MOXD1: variants seen among roughly 807,000 people sequenced by gnomAD.
The protein encoded by MOXD1 is DBH-like monooxygenase protein 1.
Under a neutral mutation model 66.6 loss-of-function variants are expected in MOXD1, and 62 were observed. The observed-to-expected ratio is 0.93, with a 90% confidence interval of 0.76 to 1.15. MOXD1 has a LOEUF of 1.15. Among genes scored for constraint, MOXD1 ranks in the 50% most tolerant of loss-of-function variants. The pLI is 0.00. For synonymous variants in MOXD1, 303 were observed against 281.9 expected (o/e 1.07, Z -0.75); for missense variants, 847 against 754.6 (o/e 1.12, Z -1.44).
intron 10 of MOXD1, 72 bp downstream of exon 10, chr6:132,315,563 A>T: frequency 6.8e-7 from 1 of 1,473,076 alleles, no homozygotes; most frequent in South Asian, 1.3e-5. Flanking sequence ...GTGGTAATGG[A>T]TCCAGTATGA....
At chr6:132,366,028 A>G (rs780419460) in intron 4 of MOXD1, among the ~76,000 whole-genome samples, 1 of 152,214 alleles carries the variant, frequency 6.6e-6, no homozygotes, top group Non-Finnish European at 1.5e-5. Flanking sequence ...TGATTTTTAT[A>G]GCATAACTTT....
In MOXD1 at chr6:132,315,666, T is replaced by A. The variant is rs762337716; in HGVS notation, c.1477A>T (p.Ile493Phe). 2 of 1,613,464 alleles carry A rather than the reference T, an allele frequency of 1.2e-6. No individual in the cohort carries two copies. The highest frequency in any genetic ancestry group is 2.2e-5 in the South Asian group (2 of 91,012). ...GGTCTGTAGATCTCCTTAACCCCAA[T>A]GAACTGAAGTTGTTCCATAATGTCT... ...IPDIMEQLQF[I>F]GVKEIYRPVT... Residue 493 changes from isoleucine (I) to phenylalanine (F), a missense_variant, in exon 10 of 12, where the codon ATT (isoleucine) becomes TTT (phenylalanine). Transcript: ENST00000367963.
chr6:132,297,876 T>C lies in MOXD1; in HGVS notation c.1588A>G (p.Thr530Ala). ...TTGAAGGAGAGACCTTCCTTTTTAG[T>C]CCATTTAAACTTATTCATAGCATCC... ...FMDAMNKFKW[T>A]KKEGLSFNKL... is the part of the protein sequence containing the mutation. The change falls in exon 11 of 12, where the codon ACT becomes GCT. Residue 530 changes from threonine (T) to alanine (A), a missense_variant. Thr to Ala is a moderately conservative substitution (Grantham distance 58). Transcript: ENST00000367963. 6.2e-7 allele frequency: 1 copy of C among 1,613,490 alleles called. No individual in the cohort carries two copies. Among genetic ancestry groups the C allele is most frequent in the African/African-American group, 1.3e-5 (1 of 75,006 alleles).
chr6:132,401,029 C>A (rs934903847), intron 1 of MOXD1, 134 bp downstream of exon 1: 1 of 1,171,650 alleles, frequency 8.5e-7, no homozygotes, highest in Non-Finnish European at 1.1e-6. Flanking sequence ...CGAGAGTGAG[C>A]GTGGCCGGGG....
At chr6:132,360,707 C>T (rs1776001808) in intron 4 of MOXD1, among the ~76,000 whole-genome samples, 2 of 152,308 alleles carry the variant, frequency 1.3e-5, no homozygotes, top group Non-Finnish European at 2.9e-5. Flanking sequence ...TCCTCCCATC[C>T]AGACTGTGAG....
At chr6:132,397,948 CAG>C (rs1238520389) in intron 1 of MOXD1, among the ~76,000 whole-genome samples, 1 of 152,168 alleles carries the variant, frequency 6.6e-6, no homozygotes, top group Non-Finnish European at 1.5e-5. Flanking sequence ...TCTTTACACA[CAG>C]AGATTGCATA....
chr6:132,349,422 C>CACATATATATATACAT (rs1775745391), intron 4 of MOXD1, among the ~76,000 whole-genome samples: 7 of 36,946 alleles, frequency 1.9e-4, no homozygotes, highest in Non-Finnish European at 3.5e-4. Context: ...TATATATATA[C>CACATATATATATACAT]ATATATATAT....
intron 4 of MOXD1, among the ~76,000 whole-genome samples, chr6:132,337,225 T>C (rs764699326): frequency 2.6e-5 from 4 of 152,248 alleles, no homozygotes; most frequent in Non-Finnish European, 4.4e-5. Flanking sequence ...CTTGGGTTTC[T>C]ATTACTTGCA....
chr6:132,348,302 A>G (rs1036012882), intron 4 of MOXD1, among the ~76,000 whole-genome samples: 11 of 152,368 alleles, frequency 7.2e-5, no homozygotes, highest in African/African-American at 9.6e-5. Flanking sequence ...TATAACAACC[A>G]CCCAGGATTC....
At chr6:132,300,881 C>T (rs1488726295) in intron 10 of MOXD1, among the ~76,000 whole-genome samples, 1 of 152,074 alleles carries the variant, frequency 6.6e-6, no homozygotes, top group Non-Finnish European at 1.5e-5. Flanking sequence ...TTGGTTTAGG[C>T]CCCTGTTCTA....
At chr6:132,371,297 T>C (rs1157694758) in intron 4 of MOXD1, among the ~76,000 whole-genome samples, 2 of 152,138 alleles carry the variant, frequency 1.3e-5, no homozygotes, top group African/African-American at 4.8e-5. Flanking sequence ...CCCTTTTCCA[T>C]ACACAAAGTA....
intron 10 of MOXD1, among the ~76,000 whole-genome samples, chr6:132,301,685 C>A (rs1479400405): frequency 3.3e-5 from 5 of 152,134 alleles, no homozygotes; most frequent in African/African-American, 1.2e-4. Context: ...ATCCATCAAG[C>A]AAGTAAACAT....
At chr6:132,345,625 A>G (rs1013347420) in intron 4 of MOXD1, among the ~76,000 whole-genome samples, 1 of 152,128 alleles carries the variant, frequency 6.6e-6, no homozygotes, top group African/African-American at 2.4e-5. Context: ...CTTTGAAAAT[A>G]TTTACTTCCC....
At chr6:132,383,015 T>G (rs546080816) in intron 1 of MOXD1, among the ~76,000 whole-genome samples, 1 of 152,324 alleles carries the variant, frequency 6.6e-6, no homozygotes, top group South Asian at 2.1e-4. Flanking sequence ...TAGACCTTGG[T>G]TGAGCTTGGA....
At chr6:132,356,124 A>C (rs1411391494) in intron 4 of MOXD1, among the ~76,000 whole-genome samples, 1 of 152,218 alleles carries the variant, frequency 6.6e-6, no homozygotes, top group East Asian at 1.9e-4. Context: ...TTCTGAGTTG[A>C]TACTCTATTC....
intron 2 of MOXD1, among the ~76,000 whole-genome samples, chr6:132,374,357 T>C (rs1400884793): frequency 2.6e-5 from 4 of 152,146 alleles, no homozygotes; most frequent in African/African-American, 9.6e-5. Context: ...GAAAGTAAAA[T>C]GTATTTATGG....
intron 6 of MOXD1, 69 bp downstream of exon 6, chr6:132,327,944 G>A: frequency 8.7e-6 from 11 of 1,260,140 alleles, no homozygotes; most frequent in Non-Finnish European, 1.3e-5. Flanking sequence ...TTTCAACTCT[G>A]TTAAAGACTT....
chr6:132,367,927 A>G (rs1562294774), intron 4 of MOXD1, among the ~76,000 whole-genome samples: 1 of 151,954 alleles, frequency 6.6e-6, no homozygotes, highest in Non-Finnish European at 1.5e-5. Context: ...CTATTTAGGG[A>G]GCTAGTCCTT....
chr6:132,383,786 ATGGC>A (rs1334829406), intron 1 of MOXD1, among the ~76,000 whole-genome samples: 1 of 152,210 alleles, frequency 6.6e-6, no homozygotes, highest in Non-Finnish European at 1.5e-5. Context: ...AATTTGGATG[ATGGC>A]TGGGTGCAGT....
Sources: gnomAD v4.1 joint callset for allele counts (sites outside exome capture counted in the v4.1 genomes callset) on GRCh38, gnomAD v4.1.1 for gene constraint, MANE v1.5 for transcripts, NCBI Gene and HGNC (gene_info 2026-07-23, HGNC 2026-07-21) for gene names.